ZNF799: variants seen among roughly 807,000 people sequenced by gnomAD.
ZNF799 encodes zinc finger protein 14.
In ZNF799, 28 loss-of-function variants were observed where a neutral mutation model predicts 41.0. That is an observed-to-expected ratio of 0.68 (90% CI 0.51 to 0.94). ZNF799 has a LOEUF of 0.94. ZNF799 is among the 40% of genes least tolerant of loss of function. The probability of loss-of-function intolerance (pLI) is 0.00; values close to 1 mark genes in which losing one functional copy is unlikely to be tolerated. For missense variants in ZNF799, 716 were observed against 764.3 expected (o/e 0.94, Z 0.74); for synonymous variants, 213 against 252.9 (o/e 0.84, Z 1.50).
chr19:12,401,806 C>CTT (rs1969993387), upstream of ZNF799, among the ~76,000 whole-genome samples: 1 of 152,052 alleles, frequency 6.6e-6, no homozygotes, highest in African/African-American at 2.4e-5. Context: ...GAACTCCTGA[C>CTT]CTCGTGATCC....
chr19:12,405,216 C>T (rs906633981), upstream of ZNF799, among the ~76,000 whole-genome samples: 6 of 149,364 alleles, frequency 4.0e-5, no homozygotes, highest in Non-Finnish European at 5.9e-5. Context: ...AATAAACTCC[C>T]ATTTATATAT....
At chr19:12,401,487 T>C (rs1316227190), upstream of ZNF799, among the ~76,000 whole-genome samples, 1 of 149,572 alleles carries the variant, frequency 6.7e-6, no homozygotes, top group African/African-American at 2.5e-5. Context: ...CTGCCTGTAC[T>C]CAATAGGACC....
At chr19:12,405,043 T>G (rs955135905), upstream of ZNF799, among the ~76,000 whole-genome samples, 1 of 152,096 alleles carries the variant, frequency 6.6e-6, no homozygotes, top group African/African-American at 2.4e-5. Flanking sequence ...AAGGAGAGAC[T>G]GGCCTAGCCT....
Position 12,391,467 on chromosome 19 carries a change from A to T in ZNF799, c.931T>A (p.Cys311Ser). ...TTHTDEKPYA[C>S]QQCGKAFHHL... ...TGAAACGCTTTCCCACATTGCTGAC[A>T]TGCATAGGGTTTCTCATCAGTGTGA... The change falls in exon 4 of 4, where the codon TGT (cysteine) becomes AGT (serine). Residue 311 changes from cysteine (C) to serine (S), a missense_variant. Cys to Ser is a moderately radical substitution (Grantham distance 112). This residue lies in a region of ZNF799 where 698 missense variants were observed against 713.6 expected (regional missense o/e 0.98). Transcript: ENST00000430385. 1 of 1,614,122 alleles carries T rather than the reference A, an allele frequency of 6.2e-7. No individual in the cohort carries two copies. Among genetic ancestry groups the T allele is most frequent in the Non-Finnish European group, 8.5e-7 (1 of 1,179,994 alleles).
Position 12,390,729 on chromosome 19 carries a change from C to G in ZNF799, c.1669G>C (p.Glu557Gln). ...FLRHERIHMR[E>Q]KPYECQQCGK... ...CATTGTTGACACTCATAGGGTTTCTCTCTCATGTGAATTCTTTCATGTCGT... is the reference window on the plus strand; with the variant it reads ...CATTGTTGACACTCATAGGGTTTCTGTCTCATGTGAATTCTTTCATGTCGT... Residue 557 changes from glutamate to glutamine, a missense_variant, in exon 4 of 4, where the codon GAG (glutamate) becomes CAG (glutamine). This residue lies in a region of ZNF799 where 698 missense variants were observed against 713.6 expected (regional missense o/e 0.98). Transcript: ENST00000430385. 1.9e-6 allele frequency: 3 copies of G among 1,613,820 alleles called. No individual in the cohort carries two copies. Among genetic ancestry groups the G allele is most frequent in the Non-Finnish European group, 2.5e-6 (3 of 1,179,948 alleles).
intron 1 of ZNF799, among the ~76,000 whole-genome samples, chr19:12,396,405 T>C (rs1969894396): frequency 6.6e-6 from 1 of 152,202 alleles, no homozygotes; most frequent in African/African-American, 2.4e-5. Flanking sequence ...ATCCCAGCAC[T>C]TTGGGAGGCC....
rs1217424806 is a variant in ZNF799 at position 12,391,047 on chromosome 19, A to G, written c.1351T>C (p.Cys451Arg). The G allele has an allele frequency of 1.9e-6, 3 of 1,614,042 alleles. No individual in the cohort carries two copies. Among genetic ancestry groups the G allele is most frequent in the Admixed American group, 1.7e-5 (1 of 60,010 alleles). The change falls in exon 4 of 4, where the codon TGC becomes CGC. Residue 451 changes from cysteine to arginine, a missense_variant. This residue lies in a region of ZNF799 where 698 missense variants were observed against 713.6 expected (regional missense o/e 0.98). Coordinates refer to ENST00000430385, the MANE Select transcript of ZNF799 (RefSeq NM_001080821.3). ...TCAATAAAGGCTTTCCCACATTTGC[A>G]TTTATAGGGTTTCTCTCCAGTATGA... ...TTHTGEKPYK[C>R]KCGKAFIDFY...
intron 1 of ZNF799, among the ~76,000 whole-genome samples, chr19:12,398,686 C>T (rs564985384): frequency 5.3e-5 from 8 of 152,294 alleles, no homozygotes; most frequent in Non-Finnish European, 8.8e-5. Flanking sequence ...AAAATCTCCA[C>T]CCTTTTAAAA....
At chr19:12,405,507 G>A (rs1970023660), upstream of ZNF799, among the ~76,000 whole-genome samples, 1 of 152,208 alleles carries the variant, frequency 6.6e-6, no homozygotes, top group Non-Finnish European at 1.5e-5. Context: ...GCCTGACTGT[G>A]TTTTCAAGGA....
rs750182046 is a variant in ZNF799, at chr19:12,392,712, G to A, written c.131-49C>T. The A allele has an allele frequency of 1.1e-5, 16 of 1,433,256 alleles. No individual in the cohort carries two copies. The African/African-American group carries it at 1.7e-4, about 15-fold the overall frequency. 88.8% of individuals were successfully genotyped at this position (1,433,256 alleles called of 1,614,324 possible). A position where few individuals can be genotyped will look rare whatever the true frequency, so the allele number is the denominator to read the frequency against. ...CATTACAAATTTTTACAAAATTATA[G>A]ACAAACAGTAACATTTTGATGTACA... On this transcript the variant is annotated intron_variant, in intron 2 of 3. Transcript: ENST00000430385.
the ZNF799 span, among the ~76,000 whole-genome samples, chr19:12,409,161 A>G: frequency 2.6e-5 from 4 of 152,284 alleles, no homozygotes; most frequent in African/African-American, 9.6e-5. Context: ...AAACTGTTCC[A>G]CCTCACATCA....
At chr19:12,408,136 A>C in the ZNF799 span, among the ~76,000 whole-genome samples, 3 of 152,168 alleles carry the variant, frequency 2.0e-5, no homozygotes, top group South Asian at 6.2e-4. Context: ...CATGTATGAG[A>C]GACCCTGTCT....
At chr19:12,413,881 G>A in the ZNF799 span, among the ~76,000 whole-genome samples, 1 of 152,150 alleles carries the variant, frequency 6.6e-6, no homozygotes, top group East Asian at 1.9e-4. Context: ...GGAAGTCTGG[G>A]TCCTGCCCCA....
chr19:12,391,155 G>C lies in ZNF799; in HGVS notation c.1243C>G (p.His415Asp). ...PSVFQRHEKT[H>D]TAEKPYKCKQ... ...CATTTATAGGGTTTCTCTGCAGTGT[G>C]AGTCTTTTCATGCCTTTGAAATACA... Residue 415 changes from histidine to aspartate, a missense_variant, in exon 4 of 4, where the codon CAC (histidine) becomes GAC (aspartate). Physicochemically the swap from His to Asp is moderately conservative, Grantham distance 81 (BLOSUM62 -1). Around this residue, in one of 2 missense-constraint regions of ZNF799, gnomAD observed 698 missense variants for 713.6 expected, o/e 0.98. Coordinates refer to ENST00000430385, the MANE Select transcript of ZNF799 (RefSeq NM_001080821.3). 2 of 1,614,220 alleles carry C rather than the reference G, an allele frequency of 1.2e-6. No homozygotes were observed. The highest frequency in any genetic ancestry group is 1.7e-6 in the Non-Finnish European group (2 of 1,180,022).
At chr19:12,411,748 G>A in the ZNF799 span, among the ~76,000 whole-genome samples, 2 of 151,972 alleles carry the variant, frequency 1.3e-5, no homozygotes, top group Non-Finnish European at 2.9e-5. Flanking sequence ...GAGCAGCTGG[G>A]ACTACAGATG....
At chr19:12,395,920 G>T (rs921265028) in intron 1 of ZNF799, among the ~76,000 whole-genome samples, 1 of 152,230 alleles carries the variant, frequency 6.6e-6, no homozygotes, top group Non-Finnish European at 1.5e-5. Flanking sequence ...GGAAATCTCT[G>T]CCAGAACACT....
At chr19:12,400,116 C>A (rs534589046) in intron 1 of ZNF799, among the ~76,000 whole-genome samples, 1 of 152,252 alleles carries the variant, frequency 6.6e-6, no homozygotes, top group East Asian at 1.9e-4. Flanking sequence ...TTGCTGCCAG[C>A]CCTAGGAGGA....
At chr19:12,399,940 G>A (rs1357078386) in intron 1 of ZNF799, among the ~76,000 whole-genome samples, 2 of 152,106 alleles carry the variant, frequency 1.3e-5, no homozygotes, top group Non-Finnish European at 1.5e-5. Flanking sequence ...ATGACCCACC[G>A]TGTTCAGGAA....
Position 12,390,490 on chromosome 19 carries a change from C to G in ZNF799, c.1908G>C (p.Leu636Phe). The change falls in exon 4 of 4, where the codon TTG (leucine) becomes TTC (phenylalanine). Residue 636 changes from leucine (L) to phenylalanine (F), a missense_variant. Around this residue, in one of 2 missense-constraint regions of ZNF799, gnomAD observed 698 missense variants for 713.6 expected, o/e 0.98. Transcript: ENST00000430385. ...CGKAFASLSS[L>F]HRHKKTH ...GCTAGTGAGTCTTTTTATGTCTATGCAAGGAACTGAGAGAAGCAAATGCTT... is the reference window on the plus strand; with the variant it reads ...GCTAGTGAGTCTTTTTATGTCTATGGAAGGAACTGAGAGAAGCAAATGCTT... 6.2e-7 allele frequency: 1 copy of G among 1,613,914 alleles called. No homozygotes were observed. The highest frequency in any genetic ancestry group is 8.5e-7 in the Non-Finnish European group (1 of 1,179,856).
Sources: allele counts gnomAD v4.1 joint callset (sites outside exome capture counted in the v4.1 genomes callset), GRCh38; gene constraint gnomAD v4.1.1; regional missense constraint gnomAD v4.1.1; transcripts MANE v1.5; gene names NCBI Gene and HGNC (gene_info 2026-07-23, HGNC 2026-07-21).